TMPRSS7: variants seen among roughly 807,000 people sequenced by gnomAD.
TMPRSS7 encodes transmembrane protease serine 7.
Under a neutral mutation model 95.6 loss-of-function variants are expected in TMPRSS7, and 81 were observed. That is an observed-to-expected ratio of 0.85 (90% CI 0.71 to 1.02). The LOEUF (loss-of-function observed/expected upper bound fraction) is 1.02, where lower values mean the gene tolerates loss of function less well. Ranked by LOEUF, TMPRSS7 falls within the 50% of genes least tolerant of loss-of-function variation. TMPRSS7 has a pLI of 0.00. For missense variants in TMPRSS7, 945 were observed against 955.2 expected (o/e 0.99, Z 0.14); for synonymous variants, 364 against 337.8 (o/e 1.08, Z -0.85).
chr3:112,066,517 T>C lies in TMPRSS7; in HGVS notation c.1666+15T>C, dbSNP rs2073578416. On this transcript the variant is annotated intron_variant, in intron 13 of 17. Transcript: ENST00000452346. ...CTGCACTCAAAGTGAGGGAGAGTCC[T>C]CTGTGCCCTGCTGTTCCTCCTATGA... 2 of 1,607,134 alleles carry C rather than the reference T, an allele frequency of 1.2e-6. No individual in the cohort carries two copies. The highest frequency in any genetic ancestry group is 1.7e-6 in the Non-Finnish European group (2 of 1,174,246).
intron 13 of TMPRSS7, among the ~76,000 whole-genome samples, chr3:112,069,286 C>CT (rs997899177): frequency 5.3e-5 from 8 of 151,902 alleles, no homozygotes; most frequent in African/African-American, 1.9e-4. Flanking sequence ...CTAAAATTCT[C>CT]TTTTTTTGTT....
At chr3:112,051,987 G>C (rs900020029) in intron 9 of TMPRSS7, among the ~76,000 whole-genome samples, 5 of 152,172 alleles carry the variant, frequency 3.3e-5, no homozygotes, top group African/African-American at 4.8e-5. Context: ...AGATACTGGG[G>C]ATCCACGAAA....
intron 9 of TMPRSS7, among the ~76,000 whole-genome samples, chr3:112,052,843 T>C (rs2073379573): frequency 6.6e-6 from 1 of 152,168 alleles, no homozygotes; most frequent in Admixed American, 6.5e-5. Context: ...TAAAACTTTG[T>C]TGGGACTTTT....
Position 112,042,057 on chromosome 3 carries a change from C to T in TMPRSS7, c.429+7C>T, listed in dbSNP as rs117170842. ...ACGGACTGTGCAGCAAGTGGTGAGG[C>T]GATGGAGGTAGAGGGTATTAGGGTA... On this transcript the variant is annotated splice_region_variant and intron_variant, in intron 3 of 17. Transcript: ENST00000452346. 201 of 1,550,580 alleles carry T rather than the reference C, an allele frequency of 1.3e-4. No homozygotes were observed. In the East Asian group the frequency reaches 3.6e-3, roughly 28 times the overall value.
rs528054702 is a variant in TMPRSS7, at chr3:112,065,142, G to A, written c.1556-1250G>A. 6.2e-4 allele frequency among the ~76,000 whole-genome samples: 94 copies of A among 152,292 alleles called. 2 individuals carry two copies. Among genetic ancestry groups the A allele is most frequent in the Non-Finnish European group, 4.0e-4 (27 of 68,020 alleles). On this transcript the variant is annotated intron_variant, in intron 12 of 17. Coordinates refer to ENST00000452346, the Ensembl canonical transcript of TMPRSS7. ...TGCAGCGTCGAACTCCTGGGCTCAA[G>A]GGATCCTCCCTCCTCAGCCTCCTGA...
intron 2 of TMPRSS7, among the ~76,000 whole-genome samples, 178 bp from the exon 3 acceptor site, chr3:112,041,742 C>A (rs2073212639): frequency 6.6e-6 from 1 of 152,130 alleles, no homozygotes; most frequent in Non-Finnish European, 1.5e-5. Context: ...CGGTTATTTG[C>A]TGCTGATGAA....
chr3:112,045,646 G>T, intron 4 of TMPRSS7, 104 bp from the exon 5 acceptor site: 2 of 1,131,386 alleles, frequency 1.8e-6, no homozygotes, highest in Non-Finnish European at 2.5e-6. Context: ...GCTAGCTTCA[G>T]TTGAAGGATG....
In TMPRSS7 at chr3:112,046,064, C is replaced by T. The variant is rs186760163; in HGVS notation, c.691+121C>T. 24 of 865,602 alleles carry T rather than the reference C, an allele frequency of 2.8e-5. No individual in the cohort carries two copies. In the Admixed American group the frequency reaches 4.2e-4, roughly 15 times the overall value. The allele number at this position is 865,602 out of a possible 1,614,324, so 53.6% of individuals were successfully genotyped here. ...TGGGATTACCCCACAATCCCAGTGGCGCAGGATTAACTAAAGACATTGGAG... is the reference window on the plus strand; with the variant it reads ...TGGGATTACCCCACAATCCCAGTGGTGCAGGATTAACTAAAGACATTGGAG... On this transcript the variant is annotated intron_variant, in intron 5 of 17. Transcript: ENST00000452346.
chr3:112,063,518 C>A lies in TMPRSS7; in HGVS notation c.1448-7C>A, dbSNP rs751109798. 6.2e-7 allele frequency: 1 copy of A among 1,611,426 alleles called. No homozygotes were observed. The highest frequency in any genetic ancestry group is 8.5e-7 in the Non-Finnish European group (1 of 1,177,770). On this transcript the variant is annotated splice_region_variant and splice_polypyrimidine_tract_variant and intron_variant, in intron 11 of 17. Coordinates refer to ENST00000452346, the Ensembl canonical transcript of TMPRSS7. ...TTTTCTATTTTTTGATTTTTTGTTG[C>A]CCATAGCCTGCCCTGTTGGATCTTT... is the stretch of plus-strand genomic sequence containing the variant.
chr3:112,059,358 C>T lies in TMPRSS7; in HGVS notation c.1310+2227C>T, dbSNP rs534288021. On this transcript the variant is annotated intron_variant, in intron 10 of 17. Coordinates refer to ENST00000452346, the Ensembl canonical transcript of TMPRSS7. ...ATAAACTGACTCTTGCTGGCTTTCT[C>T]GTGTTTCTCAGTTTTAAAACTCATT... is the stretch of plus-strand genomic sequence containing the variant. Among the ~76,000 whole-genome samples the T allele has an allele frequency of 4.6e-5, 7 of 152,262 alleles. No homozygotes were observed. In the South Asian group the frequency reaches 8.3e-4, roughly 18 times the overall value.
At position 112,045,414 on chromosome 3, in the gene TMPRSS7, C is replaced by T. The variant is rs1484851106; in HGVS notation, c.498-336C>T. 2.0e-5 allele frequency among the ~76,000 whole-genome samples: 3 copies of T among 152,196 alleles called. No individual in the cohort carries two copies. The South Asian group carries it at 6.2e-4, about 32-fold the overall frequency. On this transcript the variant is annotated intron_variant, in intron 4 of 17. Transcript: ENST00000452346. ...CTGCCTGCCTTAGCCTCCCAAAGTG[C>T]TGGGATTACAGGCGTGAGCCACCAT... is the stretch of plus-strand genomic sequence containing the variant.
At chr3:112,063,688 C>G in intron 12 of TMPRSS7, 56 bp downstream of exon 12, 1 of 1,379,682 alleles carries the variant, frequency 7.2e-7, no homozygotes, top group Non-Finnish European at 1.0e-6. Context: ...TTCTCAGGAC[C>G]ATGATTGCTG....
chr3:112,079,774 G>A (rs1276496521), intron 17 of TMPRSS7, among the ~76,000 whole-genome samples: 3 of 152,074 alleles, frequency 2.0e-5, no homozygotes, highest in African/African-American at 2.4e-5. Context: ...GGCAAGCACC[G>A]TGCTAGGTTC....
rs926825579 is a variant in TMPRSS7 at position 112,074,166 on chromosome 3, C to A, written c.1667-130C>A. 44 of 635,310 alleles carry A rather than the reference C, an allele frequency of 6.9e-5. 1 individual carries two copies. The highest frequency in any genetic ancestry group is 6.7e-4 in the South Asian group (32 of 47,640). The allele number at this position is 635,310 out of a possible 1,614,324, so 39.4% of individuals were successfully genotyped here. On this transcript the variant is annotated intron_variant, in intron 13 of 17. Coordinates refer to ENST00000452346, the Ensembl canonical transcript of TMPRSS7. Reference sequence around the variant, plus strand: ...TGCTTCTCTTCTCTCTGCCATTTATCCCAGAGCAGCAAATACCAATCCTGT... The same window carrying A: ...TGCTTCTCTTCTCTCTGCCATTTATACCAGAGCAGCAAATACCAATCCTGT...
intron 3 of TMPRSS7, 22 bp downstream of exon 3, chr3:112,042,072 G>T: frequency 6.5e-7 from 1 of 1,547,970 alleles, no homozygotes; most frequent in Non-Finnish European, 8.7e-7. Flanking sequence ...GAGGTAGAGG[G>T]TATTAGGGTA....
At chr3:112,069,774 A>C (rs946000397) in intron 13 of TMPRSS7, among the ~76,000 whole-genome samples, 1 of 151,898 alleles carries the variant, frequency 6.6e-6, no homozygotes, top group African/African-American at 2.4e-5. Flanking sequence ...TCAAAAAACC[A>C]GCTCTCAGAT....
At chr3:112,055,973 C>T (rs916582601) in intron 9 of TMPRSS7, among the ~76,000 whole-genome samples, 3 of 152,150 alleles carry the variant, frequency 2.0e-5, no homozygotes, top group African/African-American at 4.8e-5. Context: ...AGGTGGATCA[C>T]TTGAGCCCAG....
chr3:112,076,593 G>T (rs911624968), intron 15 of TMPRSS7, among the ~76,000 whole-genome samples: 2 of 152,178 alleles, frequency 1.3e-5, no homozygotes, highest in African/African-American at 4.8e-5. Context: ...TGAAATACTA[G>T]TGGAAAGAAA....
intron 13 of TMPRSS7, among the ~76,000 whole-genome samples, chr3:112,070,950 A>C (rs145937811): frequency 0.018 from 2,806 of 152,236 alleles, 150 homozygotes; most frequent in East Asian, 0.13. Context: ...TTTACATTTA[A>C]GGTTAATATT....
Sources: allele counts gnomAD v4.1 joint callset (sites outside exome capture counted in the v4.1 genomes callset), GRCh38; gene constraint gnomAD v4.1.1; transcripts MANE v1.5; gene names NCBI Gene and HGNC (gene_info 2026-07-23, HGNC 2026-07-21).